Variants in ADGRV1 observed in about 807,000 individuals in gnomAD.
ADGRV1 encodes the protein adhesion G protein-coupled receptor V1.
A neutral mutation model predicts 596.2 loss-of-function variants in ADGRV1; 359 were observed. The observed-to-expected ratio is 0.60, with a 90% CI of 0.55 to 0.66. The LOEUF (loss-of-function observed/expected upper bound fraction) is 0.66. Ranked by LOEUF, ADGRV1 falls within the 30% of genes least tolerant of loss-of-function variation. ADGRV1 has a pLI of 0.00. For synonymous variants in ADGRV1, 2,681 were observed against 2,679.2 expected (o/e 1.00, Z -0.02); for missense variants, 7,274 against 7,575.6 (o/e 0.96, Z 1.48).
chr5:91,087,751 CTTATTT>C (rs1790019526), intron 86 of ADGRV1, among the ~76,000 whole-genome samples: 1 of 152,100 alleles, frequency 6.6e-6, no homozygotes, highest in South Asian at 2.1e-4. Context: ...TCCACAAAAC[CTTATTT>C]GGGAGGCACT....
chr5:91,137,753 C>A lies in ADGRV1; in HGVS notation c.18433-12277C>A, dbSNP rs144251953. Among the ~76,000 whole-genome samples, 659 of 152,290 alleles carry A rather than the reference C, an allele frequency of 4.3e-3. 6 individuals carry two copies. Among genetic ancestry groups the A allele is most frequent in the African/African-American group, 0.015 (638 of 41,554 alleles). On this transcript the variant is annotated intron_variant, in intron 87 of 89. Coordinates refer to ENST00000405460, the MANE Select transcript of ADGRV1 (RefSeq NM_032119.4). The stretch of plus-strand genomic sequence containing the variant: ...TGGTAGAATTCCAATCATTAGACTA[C>A]ATGAGTGGCCATGAAACACTTTGGA...
chr5:90,930,953 T>A (rs1775192106), intron 83 of ADGRV1, among the ~76,000 whole-genome samples: 1 of 152,146 alleles, frequency 6.6e-6, no homozygotes, highest in Non-Finnish European at 1.5e-5. Context: ...GTATGTTGCA[T>A]CAGTGATAAG....
At chr5:90,719,978 TA>T (rs1393891087) in intron 43 of ADGRV1, 69 bp from the exon 44 acceptor site, 2 of 1,189,912 alleles carry the variant, frequency 1.7e-6, no homozygotes, top group African/African-American at 3.0e-5. Context: ...AAATGTTCAG[TA>T]GATTTCGCTA....
At chr5:90,644,922 A>G (rs1767518863) in intron 15 of ADGRV1, 53 bp downstream of exon 15, 3 of 1,215,182 alleles carry the variant, frequency 2.5e-6, no homozygotes, top group Admixed American at 2.9e-5. Flanking sequence ...ATCAATAATT[A>G]TTTTTTATTA....
intron 83 of ADGRV1, among the ~76,000 whole-genome samples, chr5:90,889,101 A>G (rs1770563449): frequency 6.6e-6 from 1 of 152,128 alleles, no homozygotes; most frequent in South Asian, 2.1e-4. Flanking sequence ...AAGAGTTACC[A>G]CACCCAAACA....
intron 83 of ADGRV1, among the ~76,000 whole-genome samples, chr5:90,954,735 ATG>A (rs1777328407): frequency 2.0e-5 from 3 of 152,304 alleles, no homozygotes; most frequent in Admixed American, 2.0e-4. Flanking sequence ...AACTTGAGAC[ATG>A]TAAACAAGTA....
At chr5:91,007,436 C>G (rs1051633241) in intron 85 of ADGRV1, among the ~76,000 whole-genome samples, 4 of 152,186 alleles carry the variant, frequency 2.6e-5, no homozygotes, top group African/African-American at 9.6e-5. Flanking sequence ...GGGTCCTACT[C>G]CATCCTGCTA....
intron 85 of ADGRV1, among the ~76,000 whole-genome samples, chr5:91,072,041 C>CT (rs200085565): frequency 1.3e-5 from 2 of 151,450 alleles, no homozygotes; most frequent in African/African-American, 4.8e-5. Context: ...TAAAGTGACT[C>CT]TTTTTTTTTA....
intron 43 of ADGRV1, 123 bp from the exon 44 acceptor site, chr5:90,719,925 A>G (rs1750693107): frequency 1.3e-6 from 1 of 747,282 alleles, no homozygotes; most frequent in East Asian, 2.5e-5. Flanking sequence ...GTATTAAATC[A>G]AAGTGAGATG....
At chr5:90,951,747 T>C (rs1264867932) in intron 83 of ADGRV1, among the ~76,000 whole-genome samples, 1 of 152,162 alleles carries the variant, frequency 6.6e-6, no homozygotes, top group Non-Finnish European at 1.5e-5. Context: ...AACAACTATA[T>C]AGTAATTATC....
intron 83 of ADGRV1, among the ~76,000 whole-genome samples, chr5:90,877,253 A>T (rs73771107): frequency 0.016 from 2,436 of 152,208 alleles, 66 homozygotes; most frequent in African/African-American, 0.056. Flanking sequence ...ACCTTGGATT[A>T]TGTTCTGTTT....
At chr5:90,619,547 G>A (rs565096556) in intron 4 of ADGRV1, among the ~76,000 whole-genome samples, 7 of 152,222 alleles carry the variant, frequency 4.6e-5, no homozygotes, top group Non-Finnish European at 1.0e-4. Context: ...TCTTCTGAAA[G>A]TTTGGAGTTA....
intron 84 of ADGRV1, among the ~76,000 whole-genome samples, chr5:90,979,448 A>T (rs1243173804): frequency 1.3e-5 from 2 of 152,112 alleles, no homozygotes; most frequent in Non-Finnish European, 2.9e-5. Context: ...GGGATTGCAG[A>T]TGTGAGCTAC....
At chr5:90,789,913 A>T in intron 69 of ADGRV1, 62 bp downstream of exon 69, 1 of 1,172,258 alleles carries the variant, frequency 8.5e-7, no homozygotes, top group Non-Finnish European at 1.1e-6. Context: ...GTTAAGAGGG[A>T]CAGGGAAACT....
chr5:90,901,097 T>C (rs573727629), intron 83 of ADGRV1, among the ~76,000 whole-genome samples: 2 of 152,292 alleles, frequency 1.3e-5, no homozygotes, highest in Middle Eastern at 6.8e-3. Flanking sequence ...GTAAAGTCCA[T>C]TAGTTTTGTG....
chr5:90,813,901 CA>C (rs1448003343), intron 74 of ADGRV1, among the ~76,000 whole-genome samples: 1 of 152,080 alleles, frequency 6.6e-6, no homozygotes, highest in Non-Finnish European at 1.5e-5. Context: ...TGATCATTGG[CA>C]CATTACAAGT....
At chr5:91,020,673 T>C (rs116624629) in intron 85 of ADGRV1, among the ~76,000 whole-genome samples, 201 of 152,106 alleles carry the variant, frequency 1.3e-3, no homozygotes, top group African/African-American at 4.8e-3. Context: ...TTCACATCCA[T>C]CAAGATGGCT....
chr5:90,725,680 G>C (rs62373960), intron 48 of ADGRV1, 24 bp downstream of exon 48: 4 of 900,228 alleles, frequency 4.4e-6, no homozygotes, highest in Non-Finnish European at 6.4e-6. Flanking sequence ...AAAATGAAGT[G>C]GGTTTTTTTT....
chr5:90,760,437 G>T (rs1236490459), intron 58 of ADGRV1, among the ~76,000 whole-genome samples: 1 of 152,126 alleles, frequency 6.6e-6, no homozygotes, highest in Non-Finnish European at 1.5e-5. Flanking sequence ...AATTACAAAG[G>T]GGAACAGATT....
Sources: allele counts gnomAD v4.1 joint callset (sites outside exome capture counted in the v4.1 genomes callset), GRCh38; gene constraint gnomAD v4.1.1; transcripts MANE v1.5; gene names NCBI Gene and HGNC (gene_info 2026-07-23, HGNC 2026-07-21).